Variants in SDK2 observed in about 807,000 individuals in gnomAD.
SDK2 encodes the protein protein sidekick-2.
Under a neutral mutation model 253.9 loss-of-function variants are expected in SDK2, and 105 were observed. The ratio of observed to expected loss-of-function variants is 0.41; its 90% CI spans 0.35 to 0.49. The LOEUF is 0.49. Among genes scored for constraint, SDK2 ranks in the 20% least tolerant of loss-of-function variants. The pLI is 0.06. For missense variants in SDK2, 2,608 were observed against 3,003.0 expected (o/e 0.87, Z 3.07); for synonymous variants, 1,249 against 1,234.9 (o/e 1.01, Z -0.24).
intron 4 of SDK2, among the ~76,000 whole-genome samples, chr17:73,453,719 A>G (rs2063504385): frequency 6.6e-6 from 1 of 152,184 alleles, no homozygotes; most frequent in Non-Finnish European, 1.5e-5. Flanking sequence ...GGCTGTGGGT[A>G]GCTGATACAT....
At chr17:73,606,908 T>C (rs2045915826) in intron 1 of SDK2, among the ~76,000 whole-genome samples, 1 of 152,130 alleles carries the variant, frequency 6.6e-6, no homozygotes, top group African/African-American at 2.4e-5. Flanking sequence ...GCTCAGTCAA[T>C]GACTGAACCA....
At chr17:73,507,729 G>C (rs1215065453) in intron 1 of SDK2, 132 bp from the exon 2 acceptor site, 1 of 961,738 alleles carries the variant, frequency 1.0e-6, no homozygotes. Flanking sequence ...TCCCGTGGCT[G>C]GGAGGGACTT....
chr17:73,365,685 G>A (rs2062678656), intron 37 of SDK2, among the ~76,000 whole-genome samples: 3 of 152,174 alleles, frequency 2.0e-5, no homozygotes, highest in African/African-American at 7.2e-5. Flanking sequence ...CTCTGAGCCC[G>A]GGCTATGAGT....
intron 20 of SDK2, 21 bp from the exon 21 acceptor site, chr17:73,401,232 G>C (rs202096993): frequency 1.0e-4 from 153 of 1,531,194 alleles, no homozygotes; most frequent in Non-Finnish European, 1.2e-4. Flanking sequence ...CCGCCGTGTT[G>C]GCATGAGCTT....
At chr17:73,390,202 A>T in intron 29 of SDK2, 85 bp downstream of exon 29, 1 of 1,188,450 alleles carries the variant, frequency 8.4e-7, no homozygotes, top group Non-Finnish European at 1.1e-6. Context: ...AGCTCATACC[A>T]GCCATCCACT....
At chr17:73,449,710 C>T (rs891088487) in intron 4 of SDK2, among the ~76,000 whole-genome samples, 23 of 144,890 alleles carry the variant, frequency 1.6e-4, no homozygotes, top group Non-Finnish European at 3.1e-4. Context: ...CACCTGAGGT[C>T]GGGGGTTCGA....
rs2145355316 is a variant in SDK2 at position 73,336,318 on chromosome 17, G to T, written c.*2269C>A. ...GGCGGAGGTGGCAGGGGTGGAGCAG[G>T]TGTCCAGCTGACTCCACTGCAGCCC... On this transcript the variant is annotated 3_prime_UTR_variant, in exon 45 of 45. Transcript: ENST00000392650. 1 of 152,338 alleles carries T rather than the reference G, an allele frequency of 6.6e-6. No individual in the cohort carries two copies. Among genetic ancestry groups the T allele is most frequent in the East Asian group, 1.9e-4 (1 of 5,178 alleles). 9.4% of individuals were successfully genotyped at this position (152,338 alleles called of 1,614,324 possible). A position where few individuals can be genotyped will look rare whatever the true frequency, so the allele number is the denominator to read the frequency against.
At chr17:73,463,315 G>C (rs1198895551) in intron 3 of SDK2, among the ~76,000 whole-genome samples, 1 of 152,148 alleles carries the variant, frequency 6.6e-6, no homozygotes, top group African/African-American at 2.4e-5. Flanking sequence ...TATCTTAAAA[G>C]GCCTTGTAAA....
chr17:73,548,159 T>C (rs960115694), intron 1 of SDK2, among the ~76,000 whole-genome samples: 6 of 152,198 alleles, frequency 3.9e-5, no homozygotes, highest in Non-Finnish European at 5.9e-5. Flanking sequence ...ACCCTATCAA[T>C]GGCCCAATTT....
At chr17:73,406,529 C>T (rs528658456) in intron 18 of SDK2, among the ~76,000 whole-genome samples, 3 of 151,962 alleles carry the variant, frequency 2.0e-5, no homozygotes, top group South Asian at 2.1e-4. Context: ...GAATTACAGG[C>T]GTGAGCCACC....
rs947687823 is a variant in SDK2 at position 73,496,892 on chromosome 17, T to A, written c.224+10546A>T. Reference sequence around the variant, plus strand: ...TCCCTAAATTGAGCTGACGATTTATTTATTTGTTTTTATTTATGTTTTGAG... The same window carrying A: ...TCCCTAAATTGAGCTGACGATTTATATATTTGTTTTTATTTATGTTTTGAG... On this transcript the variant is annotated intron_variant, in intron 2 of 44. Transcript: ENST00000392650. The surrounding 1 kb of genome is among the most constrained non-coding windows in gnomAD (Gnocchi z 4.7). 6.6e-5 allele frequency among the ~76,000 whole-genome samples: 10 copies of A among 152,168 alleles called. No homozygotes were observed. The highest frequency in any genetic ancestry group is 2.4e-4 in the African/African-American group (10 of 41,428).
chr17:73,550,410 C>A (rs2045036715), intron 1 of SDK2, among the ~76,000 whole-genome samples: 1 of 152,192 alleles, frequency 6.6e-6, no homozygotes, highest in Admixed American at 6.5e-5. Flanking sequence ...GAGAAGCTGT[C>A]CTGGGGTGGA....
intron 2 of SDK2, among the ~76,000 whole-genome samples, chr17:73,501,558 C>G (rs1055636520): frequency 6.6e-6 from 1 of 152,236 alleles, no homozygotes; most frequent in Non-Finnish European, 1.5e-5. Flanking sequence ...ATTTCTCAAA[C>G]TGGGAATTCA....
chr17:73,393,856 C>A, intron 26 of SDK2, 107 bp from the exon 27 acceptor site: 1 of 869,370 alleles, frequency 1.2e-6, no homozygotes, highest in South Asian at 2.3e-5. Context: ...ACACATCTCC[C>A]AACTTCCAGA....
At chr17:73,374,869 C>T (rs916469062) in intron 36 of SDK2, among the ~76,000 whole-genome samples, 1 of 152,164 alleles carries the variant, frequency 6.6e-6, no homozygotes, top group African/African-American at 2.4e-5. Context: ...CATGGCCCAC[C>T]CGGATAGTTC....
rs149377810 is a variant in SDK2 at position 73,632,099 on chromosome 17, C to T, written c.64+11926G>A. Among the ~76,000 whole-genome samples the T allele has an allele frequency of 7.9e-3, 1,211 of 152,362 alleles. 8 individuals are homozygous for T. Among genetic ancestry groups the T allele is most frequent in the African/African-American group, 0.028 (1,155 of 41,584 alleles). Reference sequence around the variant, plus strand: ...GGGGCAACAGCCGTATCCTCACTCCCACCACCCTTAAGGCATGGCCATAGG... The same window carrying T: ...GGGGCAACAGCCGTATCCTCACTCCTACCACCCTTAAGGCATGGCCATAGG... On this transcript the variant is annotated intron_variant, in intron 1 of 44. Transcript: ENST00000392650.
At chr17:73,566,848 C>T (rs781276569) in intron 1 of SDK2, among the ~76,000 whole-genome samples, 4 of 147,314 alleles carry the variant, frequency 2.7e-5, no homozygotes, top group Admixed American at 6.8e-5. Flanking sequence ...AACAAAAAAA[C>T]GACTTAAATT....
chr17:73,422,476 G>A (rs748296766), intron 14 of SDK2, 42 bp from the exon 15 acceptor site: 34 of 1,599,536 alleles, frequency 2.1e-5, no homozygotes, highest in Middle Eastern at 1.7e-4. Flanking sequence ...TATCTTGGGT[G>A]GGATGAAGCA....
rs376056019 is a variant in SDK2, at chr17:73,412,644, G to T, written c.2484+2000C>A. ...AGAAGAGGACATTTAGGCCAGGCGC[G>T]GTGGCTCATGCCAGTAATCCCAGCA... On this transcript the variant is annotated intron_variant, in intron 18 of 44. Transcript: ENST00000392650. Among the ~76,000 whole-genome samples the T allele has an allele frequency of 2.0e-5, 3 of 152,098 alleles. No individual in the cohort carries two copies. The South Asian group carries it at 6.2e-4, about 32-fold the overall frequency.
Sources: gnomAD v4.1 joint callset for allele counts (sites outside exome capture counted in the v4.1 genomes callset) on GRCh38, gnomAD v4.1.1 for gene constraint, Gnocchi (gnomAD v3.1) non-coding constraint, MANE v1.5 for transcripts, NCBI Gene and HGNC (gene_info 2026-07-23, HGNC 2026-07-21) for gene names.